ARHGAP24: variants seen among roughly 807,000 people sequenced by gnomAD.
ARHGAP24 encodes rho GTPase-activating protein 24.
ARHGAP24 carries 50 observed loss-of-function variants against 76.4 expected under a neutral mutation model. The observed-to-expected ratio is 0.65, with a 90% CI of 0.52 to 0.83. The LOEUF is 0.83. Among genes scored for constraint, ARHGAP24 ranks in the 40% least tolerant of loss-of-function variants. ARHGAP24 has a pLI of 0.00. For missense variants in ARHGAP24, 930 were observed against 914.2 expected (o/e 1.02, Z -0.22); for synonymous variants, 345 against 323.3 (o/e 1.07, Z -0.72).
rs528754999 is a variant in ARHGAP24, at chr4:85,575,984, A to G, written c.180+5263A>G. The stretch of plus-strand genomic sequence containing the variant: ...GACTTTCTACAACAGATATTGATCC[A>G]ATTATGTGGGGAAGGTTTTTTCTGT... On this transcript the variant is annotated intron_variant, in intron 2 of 9. Transcript: ENST00000395184. Among the ~76,000 whole-genome samples, 15 of 152,318 alleles carry G rather than the reference A, an allele frequency of 9.8e-5. 1 individual carries two copies. The South Asian group carries it at 3.1e-3, about 32-fold the overall frequency.
At chr4:85,582,046 G>A (rs1236613718) in intron 2 of ARHGAP24, among the ~76,000 whole-genome samples, 1 of 152,044 alleles carries the variant, frequency 6.6e-6, no homozygotes, top group African/African-American at 2.4e-5. Flanking sequence ...TAAAAATTAA[G>A]TTATCATAAT....
chr4:85,629,305 G>T (rs894672199), intron 2 of ARHGAP24, among the ~76,000 whole-genome samples: 4 of 152,040 alleles, frequency 2.6e-5, no homozygotes, highest in African/African-American at 9.7e-5. Flanking sequence ...TTAATATATT[G>T]TGTATCCATT....
chr4:85,704,723 G>T (rs926209400), intron 2 of ARHGAP24, among the ~76,000 whole-genome samples: 1 of 152,086 alleles, frequency 6.6e-6, no homozygotes, highest in Non-Finnish European at 1.5e-5. Flanking sequence ...AGGAAACTCC[G>T]AGGACAGGTT....
chr4:85,846,718 A>G (rs1396120601), intron 3 of ARHGAP24, among the ~76,000 whole-genome samples: 1 of 152,236 alleles, frequency 6.6e-6, no homozygotes, highest in East Asian at 1.9e-4. Context: ...TGCCATGAAT[A>G]TCTGAGAAAA....
chr4:85,920,726 C>G (rs914834829), intron 3 of ARHGAP24, among the ~76,000 whole-genome samples: 1 of 152,098 alleles, frequency 6.6e-6, no homozygotes, highest in Admixed American at 6.6e-5. Flanking sequence ...TGAACACACA[C>G]TTTTCAAAAG....
chr4:85,883,522 C>T (rs1040345461), intron 3 of ARHGAP24, among the ~76,000 whole-genome samples: 1 of 152,116 alleles, frequency 6.6e-6, no homozygotes, highest in Non-Finnish European at 1.5e-5. Context: ...GAGAGTCATC[C>T]AGTTCTGCAT....
At chr4:85,837,643 G>A (rs775977554) in intron 3 of ARHGAP24, among the ~76,000 whole-genome samples, 6 of 152,152 alleles carry the variant, frequency 3.9e-5, no homozygotes, top group Non-Finnish European at 7.3e-5. Flanking sequence ...CAGTTCTCAT[G>A]GGGGTGGGGA....
rs368860787 is a variant in ARHGAP24 at position 85,919,214 on chromosome 4, G to A, written c.269-4434G>A. Among the ~76,000 whole-genome samples the A allele has an allele frequency of 1.8e-4, 27 of 152,272 alleles. No homozygotes were observed. In the South Asian group the frequency reaches 5.6e-3, roughly 32 times the overall value. The stretch of plus-strand genomic sequence containing the variant: ...TCATTAAGTCCCGTAAAGGGCTAAC[G>A]AAGAAAGTGAATCTTGAGCCACATG... On this transcript the variant is annotated intron_variant, in intron 3 of 9. Coordinates refer to ENST00000395184, the MANE Select transcript of ARHGAP24 (RefSeq NM_001025616.3).
chr4:85,516,795 T>G (rs1268773524), intron 1 of ARHGAP24, among the ~76,000 whole-genome samples: 1 of 152,136 alleles, frequency 6.6e-6, no homozygotes, highest in African/African-American at 2.4e-5. Flanking sequence ...CCCCAACTTT[T>G]AATTTTATGG....
intron 5 of ARHGAP24, among the ~76,000 whole-genome samples, chr4:85,967,702 C>T (rs1217033526): frequency 6.6e-6 from 1 of 152,122 alleles, no homozygotes; most frequent in Non-Finnish European, 1.5e-5. Flanking sequence ...ATCTTACCTT[C>T]TGAAAAGACT....
chr4:85,930,864 T>A, intron 4 of ARHGAP24: 1 of 1,608,560 alleles, frequency 6.2e-7, no homozygotes, highest in Non-Finnish European at 8.5e-7. Flanking sequence ...GGAGTGGCTG[T>A]TGGGTTTCGC....
intron 5 of ARHGAP24, among the ~76,000 whole-genome samples, chr4:85,954,959 G>A (rs1011000382): frequency 6.6e-6 from 1 of 152,162 alleles, no homozygotes; most frequent in East Asian, 1.9e-4. Flanking sequence ...GCGGTGAGCC[G>A]AGATTGTGCC....
intron 3 of ARHGAP24, among the ~76,000 whole-genome samples, chr4:85,740,275 T>C (rs1725767697): frequency 6.6e-6 from 1 of 151,442 alleles, no homozygotes; most frequent in Non-Finnish European, 1.5e-5. Flanking sequence ...GCTGCAGTGC[T>C]GGAGTGCGGT....
At chr4:85,623,723 G>A (rs1269339708) in intron 2 of ARHGAP24, among the ~76,000 whole-genome samples, 1 of 151,936 alleles carries the variant, frequency 6.6e-6, no homozygotes, top group Non-Finnish European at 1.5e-5. Flanking sequence ...CTACCCATGA[G>A]CATGGAATGT....
At chr4:85,611,813 A>C (rs1049564895) in intron 2 of ARHGAP24, among the ~76,000 whole-genome samples, 1 of 152,198 alleles carries the variant, frequency 6.6e-6, no homozygotes, top group Non-Finnish European at 1.5e-5. Flanking sequence ...GGCAAGAAAA[A>C]TGTGAGTACA....
At chr4:85,769,691 G>A (rs1305516040) in intron 3 of ARHGAP24, among the ~76,000 whole-genome samples, 1 of 150,686 alleles carries the variant, frequency 6.6e-6, no homozygotes, top group Non-Finnish European at 1.5e-5. Flanking sequence ...CCGGGCAAGC[G>A]ATTCTCCTGC....
At chr4:85,659,756 GT>G (rs1294766964) in intron 2 of ARHGAP24, among the ~76,000 whole-genome samples, 1 of 152,062 alleles carries the variant, frequency 6.6e-6, no homozygotes, top group Non-Finnish European at 1.5e-5. Flanking sequence ...CTTTTTCAGG[GT>G]AGAAGAATGA....
intron 1 of ARHGAP24, among the ~76,000 whole-genome samples, chr4:85,524,320 A>G (rs1008471273): frequency 1.3e-5 from 2 of 152,140 alleles, no homozygotes; most frequent in Admixed American, 6.6e-5. Context: ...TAGTATAACT[A>G]CTTTTTAAAA....
chr4:85,759,623 C>A (rs1726659267), intron 3 of ARHGAP24, among the ~76,000 whole-genome samples: 1 of 152,062 alleles, frequency 6.6e-6, no homozygotes, highest in Non-Finnish European at 1.5e-5. Flanking sequence ...GTTTCTCTGT[C>A]TATAGGACTG....
Sources: allele counts gnomAD v4.1 joint callset (sites outside exome capture counted in the v4.1 genomes callset), GRCh38; gene constraint gnomAD v4.1.1; transcripts MANE v1.5; gene names NCBI Gene and HGNC (gene_info 2026-07-23, HGNC 2026-07-21).